Variants in ERBB4 observed in about 807,000 individuals in gnomAD.
The protein encoded by ERBB4 is receptor tyrosine-protein kinase erbB-4.
Under a neutral mutation model 158.0 loss-of-function variants are expected in ERBB4, and 42 were observed. The observed-to-expected ratio is 0.27, with a 90% CI of 0.21 to 0.34. ERBB4 has a LOEUF of 0.34. Ranked by LOEUF, ERBB4 falls within the 10% of genes least tolerant of loss-of-function variation. ERBB4 has a pLI of 1.00. For missense variants in ERBB4, 1,333 were observed against 1,624.1 expected (o/e 0.82, Z 3.08); for synonymous variants, 583 against 558.7 (o/e 1.04, Z -0.61).
intron 1 of ERBB4, among the ~76,000 whole-genome samples, chr2:212,338,626 A>G (rs2088561136): frequency 6.6e-6 from 1 of 152,172 alleles, no homozygotes; most frequent in African/African-American, 2.4e-5. Context: ...TTTTCTAGAT[A>G]TACCTACACA....
chr2:211,587,860 T>C (rs1362046794), intron 19 of ERBB4, among the ~76,000 whole-genome samples: 1 of 152,206 alleles, frequency 6.6e-6, no homozygotes, highest in Non-Finnish European at 1.5e-5. Flanking sequence ...ATTATATTCC[T>C]GGAAATTCAT....
At chr2:211,386,749 A>G in intron 27 of ERBB4, 104 bp downstream of exon 27, 1 of 1,114,966 alleles carries the variant, frequency 9.0e-7, no homozygotes, top group Non-Finnish European at 1.4e-6. Flanking sequence ...CTGGATCACA[A>G]ATGTTGTGCT....
intron 1 of ERBB4, among the ~76,000 whole-genome samples, chr2:212,260,561 C>G (rs1851285): frequency 0.44 from 67,158 of 151,952 alleles, 15,677 homozygotes; most frequent in East Asian, 0.76. Context: ...GCCTGTAATC[C>G]CAGCACTTTG....
intron 25 of ERBB4, among the ~76,000 whole-genome samples, chr2:211,401,459 G>A (rs1013652788): frequency 2.0e-5 from 3 of 151,862 alleles, no homozygotes; most frequent in Non-Finnish European, 4.4e-5. Context: ...AATTCATGAT[G>A]AGGCATTGTC....
intron 5 of ERBB4, among the ~76,000 whole-genome samples, chr2:211,732,462 A>C (rs1331987841): frequency 6.6e-6 from 1 of 152,182 alleles, no homozygotes; most frequent in Non-Finnish European, 1.5e-5. Flanking sequence ...ATAAAATACG[A>C]CTAATTTTCT....
intron 19 of ERBB4, among the ~76,000 whole-genome samples, chr2:211,577,721 T>A (rs1257698605): frequency 6.6e-6 from 1 of 152,136 alleles, no homozygotes; most frequent in African/African-American, 2.4e-5. Context: ...CATATGATTA[T>A]CTCAATAGAT....
intron 7 of ERBB4, among the ~76,000 whole-genome samples, chr2:211,720,107 T>C (rs2074046770): frequency 6.6e-6 from 1 of 152,178 alleles, no homozygotes; most frequent in Non-Finnish European, 1.5e-5. Flanking sequence ...TAGTATAAAA[T>C]GTTTGGGTGA....
intron 4 of ERBB4, among the ~76,000 whole-genome samples, chr2:211,753,459 C>T (rs1408858285): frequency 6.6e-6 from 1 of 151,984 alleles, no homozygotes; most frequent in Non-Finnish European, 1.5e-5. Context: ...AGAATTAATT[C>T]AGGAAAAGAG....
intron 1 of ERBB4, among the ~76,000 whole-genome samples, chr2:212,416,136 C>T (rs2091646154): frequency 6.6e-6 from 1 of 152,094 alleles, no homozygotes; most frequent in Non-Finnish European, 1.5e-5. Flanking sequence ...ATTGAAGAGA[C>T]ATGAGAGGTA....
At chr2:211,732,373 T>C (rs1391692823) in intron 5 of ERBB4, among the ~76,000 whole-genome samples, 1 of 145,710 alleles carries the variant, frequency 6.9e-6, no homozygotes, top group African/African-American at 2.4e-5. Context: ...AAAAAAAAAT[T>C]AGACCTAGCA....
chr2:211,924,532 TTCA>T (rs1168094290), intron 3 of ERBB4, among the ~76,000 whole-genome samples: 1 of 152,174 alleles, frequency 6.6e-6, no homozygotes, highest in Non-Finnish European at 1.5e-5. Context: ...TAATATTTTT[TTCA>T]TCAAGAGTGT....
intron 25 of ERBB4, among the ~76,000 whole-genome samples, chr2:211,398,185 T>C (rs1220107019): frequency 6.6e-6 from 1 of 152,152 alleles, no homozygotes; most frequent in Admixed American, 6.6e-5. Flanking sequence ...TTATCTTTCA[T>C]GTCTCCTCTA....
At chr2:211,550,096 T>C (rs944443518) in intron 20 of ERBB4, among the ~76,000 whole-genome samples, 9 of 152,138 alleles carry the variant, frequency 5.9e-5, no homozygotes, top group African/African-American at 2.2e-4. Flanking sequence ...GTATACATTG[T>C]GAAATGCTGA....
intron 1 of ERBB4, among the ~76,000 whole-genome samples, chr2:212,255,839 G>A (rs2084710044): frequency 2.0e-5 from 3 of 151,880 alleles, no homozygotes; most frequent in African/African-American, 7.3e-5. Flanking sequence ...ATTTTTTTAA[G>A]GGACTGGGTC....
intron 3 of ERBB4, among the ~76,000 whole-genome samples, chr2:211,878,739 C>A (rs1193571745): frequency 6.8e-6 from 1 of 146,504 alleles, no homozygotes; most frequent in Non-Finnish European, 1.5e-5. Flanking sequence ...CTCACTGCAA[C>A]CTCCGCCTCC....
intron 1 of ERBB4, among the ~76,000 whole-genome samples, chr2:212,186,801 A>G (rs1208817916): frequency 1.3e-5 from 2 of 152,192 alleles, no homozygotes; most frequent in Admixed American, 6.5e-5. Flanking sequence ...ACTGAAAGAT[A>G]GAAGTATGCA....
At chr2:212,167,322 A>G (rs2081376899) in intron 1 of ERBB4, among the ~76,000 whole-genome samples, 1 of 152,224 alleles carries the variant, frequency 6.6e-6, no homozygotes, top group Non-Finnish European at 1.5e-5. Flanking sequence ...TACGTGGCCA[A>G]CAAACATATG....
intron 20 of ERBB4, among the ~76,000 whole-genome samples, chr2:211,517,786 A>T (rs553529359): frequency 1.3e-5 from 2 of 152,254 alleles, no homozygotes; most frequent in African/African-American, 2.4e-5. Flanking sequence ...CAGAAAATTA[A>T]TTGCCATTTC....
At chr2:211,766,070 T>C (rs1023133669) in intron 4 of ERBB4, among the ~76,000 whole-genome samples, 3 of 152,216 alleles carry the variant, frequency 2.0e-5, no homozygotes, top group African/African-American at 7.2e-5. Context: ...CTTTTATGTA[T>C]TTCTCTTACT....
Sources: gnomAD v4.1 joint callset for allele counts (sites outside exome capture counted in the v4.1 genomes callset) on GRCh38, gnomAD v4.1.1 for gene constraint, MANE v1.5 for transcripts, NCBI Gene and HGNC (gene_info 2026-07-23, HGNC 2026-07-21) for gene names.